The following MMP2 variants were observed in gnomAD, a reference collection of about 807,000 sequenced individuals.
MMP2 encodes the protein matrix metallopeptidase 2.
In MMP2, 39 loss-of-function variants were observed where a neutral mutation model predicts 74.8. That is an observed-to-expected ratio of 0.52 (90% CI 0.40 to 0.68). MMP2 has a LOEUF of 0.68. Ranked by LOEUF, MMP2 falls within the 30% of genes least tolerant of loss-of-function variation. The pLI is 0.00. For synonymous variants in MMP2, 367 were observed against 339.8 expected, an observed-to-expected ratio of 1.08 and a Z score of -0.88; for missense variants, 803 against 878.3, an observed-to-expected ratio of 0.91 and a Z score of 1.08.
At chr16:55,498,244 A>C (rs1596824884) in intron 10 of MMP2, 45 bp from the exon 11 acceptor site, 1 of 1,610,838 alleles carries the variant, frequency 6.2e-7, no homozygotes, top group Non-Finnish European at 8.5e-7. Context: ...AGGCTGGCCT[A>C]GGGCATGTCA....
intron 7 of MMP2, 41 bp from the exon 8 acceptor site, chr16:55,491,760 C>A: frequency 6.2e-7 from 1 of 1,612,326 alleles, no homozygotes. Flanking sequence ...TCTCATCTCT[C>A]TTCCTGTCTT....
chr16:55,487,605 T>G (rs1170231591), intron 5 of MMP2: 1 of 152,234 alleles, frequency 6.6e-6, no homozygotes, highest in Non-Finnish European at 1.5e-5. Context: ...CGGGGGCTGG[T>G]GAGGTCACCT....
chr16:55,484,258 G>A, intron 3 of MMP2, 94 bp downstream of exon 3: 2 of 1,465,440 alleles, frequency 1.4e-6, no homozygotes, highest in Non-Finnish European at 1.9e-6. Flanking sequence ...GGATCCTAAG[G>A]GCGGCTTAGA....
intron 8 of MMP2, 118 bp from the exon 9 acceptor site, chr16:55,493,040 A>T: frequency 7.9e-7 from 1 of 1,265,694 alleles, no homozygotes; most frequent in South Asian, 1.3e-5. Flanking sequence ...GCTTACACTA[A>T]GGCCAGAAGG....
At chr16:55,489,354 A>G (rs1962342735) in intron 6 of MMP2, among the ~76,000 whole-genome samples, 1 of 152,210 alleles carries the variant, frequency 6.6e-6, no homozygotes, top group African/African-American at 2.4e-5. Context: ...GAGGCTCATT[A>G]GAACTCTGGA....
At chr16:55,503,907 C>T (rs1962731336) in intron 12 of MMP2, among the ~76,000 whole-genome samples, 1 of 152,340 alleles carries the variant, frequency 6.6e-6, no homozygotes, top group East Asian at 1.9e-4. Flanking sequence ...CATCCCAGCA[C>T]TCTGGGAGGC....
At chr16:55,498,258 C>T in intron 10 of MMP2, 31 bp from the exon 11 acceptor site, 1 of 1,613,014 alleles carries the variant, frequency 6.2e-7, no homozygotes, top group Middle Eastern at 1.7e-4. Context: ...CATGTCAGCA[C>T]CAGCCAACAC....
chr16:55,488,597 G>A lies in MMP2; in HGVS notation c.887G>A (p.Arg296His), dbSNP rs200786490. 16 of 1,613,874 alleles carry A rather than the reference G, an allele frequency of 9.9e-6. No individual in the cohort carries two copies. The highest frequency in any genetic ancestry group is 5.0e-5 in the Admixed American group (3 of 59,996). Residue 296 changes from arginine to histidine, a missense_variant, in exon 6 of 13, where the codon CGC becomes CAC. Physicochemically the swap from Arg to His is conservative, Grantham distance 29 (BLOSUM62 0). Transcript: ENST00000219070. The stretch of plus-strand genomic sequence containing the variant: ...GGACAGCCCTGCAAGTTTCCATTCC[G>A]CTTCCAGGGCACATCCTATGACAGC... ...AEGQPCKFPF[R>H]FQGTSYDSCT...
In MMP2 at chr16:55,506,205, T is replaced by C. The variant is rs913675335; in HGVS notation, c.*763T>C. 2 of 152,306 alleles carry C rather than the reference T, an allele frequency of 1.3e-5. No individual in the cohort carries two copies. Among genetic ancestry groups the C allele is most frequent in the Non-Finnish European group, 2.9e-5 (2 of 68,130 alleles). 9.4% of individuals were successfully genotyped at this position (152,306 alleles called of 1,614,324 possible). On this transcript the variant is annotated 3_prime_UTR_variant, in exon 13 of 13. Transcript: ENST00000219070. Reference sequence around the variant, plus strand: ...CTTCAACCATTCCCCATGGGAAATGTCAACAAGTATGAATAAAGACACCTA... The same window carrying C: ...CTTCAACCATTCCCCATGGGAAATGCCAACAAGTATGAATAAAGACACCTA...
chr16:55,482,436 G>A (rs1298631740), intron 1 of MMP2, among the ~76,000 whole-genome samples: 1 of 152,136 alleles, frequency 6.6e-6, no homozygotes, highest in African/African-American at 2.4e-5. Context: ...GTTGATAGAG[G>A]TAAAGGAAGG....
chr16:55,494,153 C>T (rs1962480749), intron 9 of MMP2, among the ~76,000 whole-genome samples: 1 of 152,190 alleles, frequency 6.6e-6, no homozygotes, highest in Non-Finnish European at 1.5e-5. Context: ...ATTATTCATC[C>T]ATTTATTCAT....
chr16:55,489,576 A>G (rs1334167079), intron 6 of MMP2, 75 bp from the exon 7 acceptor site: 7 of 1,566,168 alleles, frequency 4.5e-6, no homozygotes, highest in Admixed American at 1.7e-5. Flanking sequence ...CATTAAGGTC[A>G]GCGTCATGTC....
rs761562624 is a variant in MMP2, at chr16:55,485,284, C to T, written c.530-15C>T. ...GGTGGCACAGCTAGACGCTAAGACC[C>T]AGTGTGTGTTTCAGAGCATGGCGAT... On this transcript the variant is annotated splice_polypyrimidine_tract_variant and intron_variant, in intron 3 of 12. Transcript: ENST00000219070. 12 of 1,613,910 alleles carry T rather than the reference C, an allele frequency of 7.4e-6. No homozygotes were observed. In the East Asian group the frequency reaches 2.7e-4, roughly 36 times the overall value.
At chr16:55,502,542 T>A (rs1055582074) in intron 11 of MMP2, among the ~76,000 whole-genome samples, 8 of 152,086 alleles carry the variant, frequency 5.3e-5, no homozygotes, top group Admixed American at 1.3e-4. Context: ...GCAGTAATCA[T>A]GAGATTGTTT....
intron 7 of MMP2, among the ~76,000 whole-genome samples, chr16:55,491,086 G>C: frequency 7.6e-6 from 1 of 132,234 alleles, no homozygotes; most frequent in Admixed American, 7.5e-5. Context: ...TTTTTTTTTT[G>C]AGACGGAGTC....
rs1393838390 is a variant in MMP2 at position 55,483,889 on chromosome 16, A to G, written c.381-127A>G. ...GTGCACCCTTCCCGTGCTTGTGCAT[A>G]TACTTGTATGTTCACATACACACAC... On this transcript the variant is annotated intron_variant, in intron 2 of 12. Coordinates refer to ENST00000219070, the MANE Select transcript of MMP2 (RefSeq NM_004530.6). The G allele has an allele frequency of 3.3e-5, 32 of 968,332 alleles. No individual in the cohort carries two copies. In the South Asian group the frequency reaches 3.7e-4, roughly 11 times the overall value. 60.0% of individuals were successfully genotyped at this position (968,332 alleles called of 1,614,324 possible). A position where few individuals can be genotyped will look rare whatever the true frequency, so the allele number is the denominator to read the frequency against.
In MMP2 at chr16:55,481,896, A is replaced by G. The variant is rs755359794; in HGVS notation, c.154-1013A>G. 1.8e-5 allele frequency: 13 copies of G among 742,630 alleles called. No individual in the cohort carries two copies. In the South Asian group the frequency reaches 1.9e-4, roughly 11 times the overall value. The allele number at this position is 742,630 out of a possible 1,614,324, so 46.0% of individuals were successfully genotyped here. A position where few individuals can be genotyped will look rare whatever the true frequency, so the allele number is the denominator to read the frequency against. On this transcript the variant is annotated intron_variant, in intron 1 of 12. Transcript: ENST00000219070. Reference sequence around the variant, plus strand: ...AGCACATGGTAAGTACTCAATAAGCACTAGCCATTATTCTATTATATTATT... The same window carrying G: ...AGCACATGGTAAGTACTCAATAAGCGCTAGCCATTATTCTATTATATTATT...
rs1454860269 is a variant in MMP2 at position 55,505,825 on chromosome 16, G to C, written c.*383G>C. ...TTGGAGCCAATGGAGACTGTCTCAAGAGGGCACTGGTGGCCCGACAGCCTG... is the reference window on the plus strand; with the variant it reads ...TTGGAGCCAATGGAGACTGTCTCAACAGGGCACTGGTGGCCCGACAGCCTG... On this transcript the variant is annotated 3_prime_UTR_variant, in exon 13 of 13. Coordinates refer to ENST00000219070, the MANE Select transcript of MMP2 (RefSeq NM_004530.6). The C allele has an allele frequency of 1.3e-5, 4 of 312,062 alleles. No homozygotes were observed. The Admixed American group carries it at 1.8e-4, about 14-fold the overall frequency. The allele number at this position is 312,062 out of a possible 1,614,324, so 19.3% of individuals were successfully genotyped here. A position where few individuals can be genotyped will look rare whatever the true frequency, so the allele number is the denominator to read the frequency against.
intron 11 of MMP2, among the ~76,000 whole-genome samples, chr16:55,500,129 G>A (rs1423772828): frequency 6.6e-6 from 1 of 152,054 alleles, no homozygotes; most frequent in Non-Finnish European, 1.5e-5. Context: ...AACCTAAGCT[G>A]ATTGATATCT....
Sources: allele counts gnomAD v4.1 joint callset (sites outside exome capture counted in the v4.1 genomes callset), GRCh38; gene constraint gnomAD v4.1.1; transcripts MANE v1.5; gene names NCBI Gene and HGNC (gene_info 2026-07-23, HGNC 2026-07-21).